Variants in PPFIA2 observed in about 807,000 individuals in gnomAD.
PPFIA2 encodes the protein PPFI scaffold protein A2, also known as liprin-alpha-2.
Under a neutral mutation model 175.5 loss-of-function variants are expected in PPFIA2, and 46 were observed. The ratio of observed to expected loss-of-function variants is 0.26; its 90% CI spans 0.21 to 0.34. The LOEUF (loss-of-function observed/expected upper bound fraction) is 0.34, where lower values mean the gene tolerates loss of function less well. PPFIA2 is among the 10% of genes least tolerant of loss of function. The pLI is 1.00. For missense variants in PPFIA2, 1,179 were observed against 1,506.1 expected, an observed-to-expected ratio of 0.78 and a Z score of 3.60; for synonymous variants, 568 against 511.4, an observed-to-expected ratio of 1.11 and a Z score of -1.49.
chr12:81,400,386 G>A (rs1050010713), intron 8 of PPFIA2, among the ~76,000 whole-genome samples: 5 of 151,976 alleles, frequency 3.3e-5, no homozygotes, highest in Admixed American at 2.0e-4. Context: ...GGCACATCCC[G>A]TATTCCATTT....
rs182536957 is a variant in PPFIA2, at chr12:81,527,732, G to A, written c.304-69866C>T. Among the ~76,000 whole-genome samples, 68 of 152,158 alleles carry A rather than the reference G, an allele frequency of 4.5e-4. No individual in the cohort carries two copies. The South Asian group carries it at 0.013, about 28-fold the overall frequency. On this transcript the variant is annotated intron_variant, in intron 4 of 32. Coordinates refer to ENST00000549396, the MANE Select transcript of PPFIA2 (RefSeq NM_003625.5). ...TTGGAACTCTATCACCTAATGTGAT[G>A]GTATTAGGAGGTGGAGTCTTTGGAA... is the stretch of plus-strand genomic sequence containing the variant.
At chr12:81,552,033 ATTAT>A (rs2068016228) in intron 4 of PPFIA2, among the ~76,000 whole-genome samples, 1 of 151,786 alleles carries the variant, frequency 6.6e-6, no homozygotes, top group Non-Finnish European at 1.5e-5. Flanking sequence ...AAAGAACTTA[ATTAT>A]TTAACTTACA....
At chr12:81,700,234 A>T (rs1391833117) in intron 3 of PPFIA2, among the ~76,000 whole-genome samples, 3 of 152,074 alleles carry the variant, frequency 2.0e-5, no homozygotes, top group East Asian at 3.9e-4. Context: ...TGATGGCTAA[A>T]CCTTTATCTC....
At chr12:81,511,102 C>T (rs1213759430) in intron 4 of PPFIA2, among the ~76,000 whole-genome samples, 1 of 151,998 alleles carries the variant, frequency 6.6e-6, no homozygotes, top group Non-Finnish European at 1.5e-5. Flanking sequence ...ACAAAAAAAT[C>T]TGTTAATTTT....
chr12:81,687,095 T>C (rs1316231839), intron 3 of PPFIA2, among the ~76,000 whole-genome samples: 1 of 152,078 alleles, frequency 6.6e-6, no homozygotes, highest in East Asian at 1.9e-4. Context: ...GTGAGTCTGA[T>C]GCAGGCTAAG....
At chr12:81,382,486 G>A (rs928771222) in intron 9 of PPFIA2, among the ~76,000 whole-genome samples, 6 of 152,142 alleles carry the variant, frequency 3.9e-5, no homozygotes, top group Admixed American at 3.3e-4. Context: ...GGAAACAGAT[G>A]ACCATTGAAA....
intron 3 of PPFIA2, among the ~76,000 whole-genome samples, chr12:81,697,945 T>C (rs1206284379): frequency 6.6e-6 from 1 of 152,160 alleles, no homozygotes; most frequent in African/African-American, 2.4e-5. Context: ...CTGAATGCAG[T>C]AATACTATAG....
intron 4 of PPFIA2, among the ~76,000 whole-genome samples, chr12:81,598,916 G>A (rs1431216929): frequency 2.6e-5 from 4 of 151,952 alleles, no homozygotes; most frequent in South Asian, 4.2e-4. Context: ...CCACATATTT[G>A]TTTTAAATAA....
At chr12:81,660,622 T>G (rs1343617023) in intron 4 of PPFIA2, among the ~76,000 whole-genome samples, 2 of 152,210 alleles carry the variant, frequency 1.3e-5, no homozygotes, top group African/African-American at 4.8e-5. Context: ...GAAAACACTC[T>G]GCAGGATATT....
intron 30 of PPFIA2, among the ~76,000 whole-genome samples, chr12:81,266,332 G>A (rs1025629875): frequency 1.3e-5 from 2 of 152,086 alleles, no homozygotes; most frequent in African/African-American, 4.8e-5. Flanking sequence ...AGCATTTGCT[G>A]ATATCCCTTG....
chr12:81,699,338 C>G (rs928402916), intron 3 of PPFIA2, among the ~76,000 whole-genome samples: 11 of 151,914 alleles, frequency 7.2e-5, no homozygotes, highest in Middle Eastern at 3.7e-3. Flanking sequence ...TATATTAATA[C>G]ATCAAAAGCA....
chr12:81,645,952 A>G (rs1480597961), intron 4 of PPFIA2, among the ~76,000 whole-genome samples: 1 of 152,182 alleles, frequency 6.6e-6, no homozygotes, highest in African/African-American at 2.4e-5. Context: ...CCTGTCTAGC[A>G]TCCAACATTT....
chr12:81,398,027 G>T lies in PPFIA2; in HGVS notation c.762+7760C>A, dbSNP rs79858887. Among the ~76,000 whole-genome samples, 9 of 151,960 alleles carry T rather than the reference G, an allele frequency of 5.9e-5. No individual in the cohort carries two copies. In the East Asian group the frequency reaches 1.5e-3, roughly 26 times the overall value. ...CACTGATTCTACATTATGGTGAGTT[G>T]TATAATTATTTCATTATATATTTCA... is the stretch of plus-strand genomic sequence containing the variant. On this transcript the variant is annotated intron_variant, in intron 8 of 32. Transcript: ENST00000549396.
intron 4 of PPFIA2, among the ~76,000 whole-genome samples, chr12:81,563,661 C>T (rs1245253061): frequency 6.6e-6 from 1 of 152,210 alleles, no homozygotes; most frequent in African/African-American, 2.4e-5. Context: ...GAAATCAACA[C>T]ACGCTGTTAA....
At chr12:81,543,416 G>A (rs1286168076) in intron 4 of PPFIA2, among the ~76,000 whole-genome samples, 1 of 151,968 alleles carries the variant, frequency 6.6e-6, no homozygotes, top group African/African-American at 2.4e-5. Context: ...CAACAAAAAA[G>A]GCAGAAATAA....
At chr12:81,375,653 G>A (rs1015434161) in intron 10 of PPFIA2, 143 bp downstream of exon 10, 27 of 805,588 alleles carry the variant, frequency 3.4e-5, no homozygotes, top group Middle Eastern at 2.3e-4. Context: ...ACTGAAAATC[G>A]TATTTGTTTT....
At chr12:81,448,817 A>G (rs780717381) in intron 5 of PPFIA2, among the ~76,000 whole-genome samples, 1 of 152,190 alleles carries the variant, frequency 6.6e-6, no homozygotes, top group Admixed American at 6.5e-5. Context: ...CCACTTTTCA[A>G]TGAGGCTTTC....
intron 23 of PPFIA2, among the ~76,000 whole-genome samples, chr12:81,296,030 G>T (rs2046358442): frequency 6.6e-6 from 1 of 151,842 alleles, no homozygotes; most frequent in African/African-American, 2.4e-5. Flanking sequence ...ATGAGGCCAG[G>T]CGCGGTGGCT....
At chr12:81,386,390 G>A (rs1043642048) in intron 8 of PPFIA2, among the ~76,000 whole-genome samples, 3 of 151,980 alleles carry the variant, frequency 2.0e-5, no homozygotes, top group African/African-American at 7.2e-5. Flanking sequence ...TTGGGAAGCT[G>A]GGGTGGGAGG....
Sources: allele counts gnomAD v4.1 joint callset (sites outside exome capture counted in the v4.1 genomes callset), GRCh38; gene constraint gnomAD v4.1.1; transcripts MANE v1.5; gene names NCBI Gene and HGNC (gene_info 2026-07-23, HGNC 2026-07-21).